The following RREB1 variants were observed in gnomAD, a reference collection of about 807,000 sequenced individuals.
RREB1 encodes the protein ras-responsive element-binding protein 1.
Under a neutral mutation model 117.8 loss-of-function variants are expected in RREB1, and 27 were observed. That is an observed-to-expected ratio of 0.23 (90% CI 0.17 to 0.32). RREB1 has a LOEUF of 0.32. RREB1 is among the 10% of genes least tolerant of loss of function. The pLI is 1.00. For missense variants in RREB1, 2,577 were observed against 2,378.2 expected, an observed-to-expected ratio of 1.08 and a Z score of -1.74; for synonymous variants, 1,298 against 1,026.7, an observed-to-expected ratio of 1.26 and a Z score of -5.05.
At chr6:7,168,254 G>GGA (rs1554120034) in intron 1 of RREB1, among the ~76,000 whole-genome samples, 1 of 72,930 alleles carries the variant, frequency 1.4e-5, no homozygotes, top group Non-Finnish European at 2.7e-5. Context: ...GACTCCGTCT[G>GGA]AAAAAAAAAA....
intron 1 of RREB1, among the ~76,000 whole-genome samples, chr6:7,165,106 T>G (rs572371767): frequency 6.0e-4 from 92 of 152,340 alleles, no homozygotes; most frequent in African/African-American, 2.2e-3. Flanking sequence ...AGGAGTGCTA[T>G]CCGTTGGACT....
rs758398767 is a variant in RREB1 at position 7,231,441 on chromosome 6, C to T, written c.3342C>T (p.Thr1114=). 1.9e-5 allele frequency: 30 copies of T among 1,612,994 alleles called. No homozygotes were observed. The highest frequency in any genetic ancestry group is 6.7e-5 in the East Asian group (3 of 44,860). Residue 1114 remains threonine, a synonymous_variant, in exon 10 of 13, where the codon ACC becomes ACT. Transcript: ENST00000379938. The part of the protein sequence containing the change: ...LGGSVPKAAT[T]ATPAATTSPK... ...GTTCTGTCCCCAAAGCCGCCACCAC[C>T]GCCACCCCCGCTGCCACCACCAGCC...
chr6:7,114,591 A>C (rs1761302691), intron 1 of RREB1, among the ~76,000 whole-genome samples: 1 of 152,120 alleles, frequency 6.6e-6, no homozygotes, highest in Non-Finnish European at 1.5e-5. Context: ...AGGTTGAGAA[A>C]GCCTGCTTGA....
intron 1 of RREB1, among the ~76,000 whole-genome samples, chr6:7,120,738 G>A (rs1230267890): frequency 3.3e-5 from 5 of 150,250 alleles, no homozygotes; most frequent in Admixed American, 2.0e-4. Context: ...CCTCGACCTC[G>A]TGGGCCCAAG....
At chr6:7,162,837 T>C (rs1486995191) in intron 1 of RREB1, among the ~76,000 whole-genome samples, 1 of 152,054 alleles carries the variant, frequency 6.6e-6, no homozygotes, top group Non-Finnish European at 1.5e-5. Context: ...TATTTTATTT[T>C]ATTTTTATTT....
intron 8 of RREB1, among the ~76,000 whole-genome samples, chr6:7,223,245 A>T (rs1272017356): frequency 2.1e-5 from 3 of 139,538 alleles, no homozygotes; most frequent in Non-Finnish European, 3.0e-5. Flanking sequence ...CGACAGAGCA[A>T]GACTCTCTTT....
At chr6:7,108,874 T>G (rs2113262794) in intron 1 of RREB1, among the ~76,000 whole-genome samples, 1 of 150,182 alleles carries the variant, frequency 6.7e-6, no homozygotes, top group East Asian at 2.0e-4. Flanking sequence ...CGGCTGGCGG[T>G]CGTGGTCACG....
In RREB1 at chr6:7,249,799, A is replaced by ATAT. The variant is rs60940908; in HGVS notation, c.*855_*857dup. 3,486 of 150,380 alleles carry ATAT rather than the reference A, an allele frequency of 0.023. 98 individuals carry two copies. The highest frequency in any genetic ancestry group is 0.064 in the African/African-American group (2,623 of 40,942). The allele number at this position is 150,380 out of a possible 1,614,324, so 9.3% of individuals were successfully genotyped here. ...TTCCCTTTCAGTATATGTATTATTA[A>ATAT]TATTATTATTATTATTATTATTATT... On this transcript the variant is annotated 3_prime_UTR_variant, in exon 13 of 13. Transcript: ENST00000379938.
In RREB1 at chr6:7,210,819, T is replaced by C. The variant is rs965000102; in HGVS notation, c.441T>C (p.His147=). 4.3e-6 allele frequency: 7 copies of C among 1,612,680 alleles called. No homozygotes were observed. The African/African-American group carries it at 8.0e-5, about 18-fold the overall frequency. ...TTCTTTTCAGACATATGAAGATCCA[T>C]GAGAAGGACCCTAACAGTGCCACAG... ...NGNMHRHMKI[H]EKDPNSATAT... The change falls in exon 7 of 13, where the codon CAT becomes CAC. Residue 147 remains histidine (H), a synonymous_variant. Transcript: ENST00000379938.
At chr6:7,243,720 C>T (rs1302812628) in intron 11 of RREB1, among the ~76,000 whole-genome samples, 2 of 152,194 alleles carry the variant, frequency 1.3e-5, no homozygotes, top group South Asian at 2.1e-4. Flanking sequence ...GTTGGCCTTT[C>T]ATTGTACTCC....
chr6:7,115,569 T>C (rs1761361360), intron 1 of RREB1, among the ~76,000 whole-genome samples: 1 of 152,172 alleles, frequency 6.6e-6, no homozygotes, highest in South Asian at 2.1e-4. Flanking sequence ...AGTGTCCCAT[T>C]GGTGTCAGTC....
At chr6:7,180,757 C>T (rs1201395383) in intron 2 of RREB1, among the ~76,000 whole-genome samples, 1 of 152,166 alleles carries the variant, frequency 6.6e-6, no homozygotes, top group African/African-American at 2.4e-5. Flanking sequence ...TGTCTTTGGT[C>T]ACTTTTAGAT....
At chr6:7,243,022 C>A (rs1268137073) in intron 11 of RREB1, among the ~76,000 whole-genome samples, 1 of 152,198 alleles carries the variant, frequency 6.6e-6, no homozygotes, top group Non-Finnish European at 1.5e-5. Flanking sequence ...TGTTTGTAGG[C>A]ACCTACATAG....
At chr6:7,243,996 G>A (rs974104407) in intron 11 of RREB1, among the ~76,000 whole-genome samples, 3 of 152,090 alleles carry the variant, frequency 2.0e-5, no homozygotes, top group Non-Finnish European at 4.4e-5. Context: ...GCGTGGTGGC[G>A]CATGCCTGTA....
At chr6:7,176,588 G>C (rs2113515487) in intron 1 of RREB1, 67 bp from the exon 2 acceptor site, 1 of 152,814 alleles carries the variant, frequency 6.5e-6, no homozygotes, top group East Asian at 1.9e-4. Flanking sequence ...GACTCCCGGT[G>C]ATGTTGAGCA....
At position 7,250,970 on chromosome 6, in the gene RREB1, T is replaced by TTAG. The variant is rs1233896644; in HGVS notation, c.*2004_*2005insGTA. ...GTTCATACATCCCTTAGGGTTTTTA[T>TTAG]TATTATTATTATTATTATTACAGTT... On this transcript the variant is annotated 3_prime_UTR_variant, in exon 13 of 13. Transcript: ENST00000379938. 6.6e-6 allele frequency: 1 copy of TTAG among 151,604 alleles called. No individual in the cohort carries two copies. The highest frequency in any genetic ancestry group is 1.5e-5 in the Non-Finnish European group (1 of 67,906). 9.4% of individuals were successfully genotyped at this position (151,604 alleles called of 1,614,324 possible).
chr6:7,142,206 A>G (rs1398440532), intron 1 of RREB1, among the ~76,000 whole-genome samples: 2 of 148,870 alleles, frequency 1.3e-5, no homozygotes, highest in Non-Finnish European at 3.0e-5. Flanking sequence ...CAAGAGTGAA[A>G]CTCCGTCTTA....
chr6:7,248,610 A>G lies in RREB1; in HGVS notation c.4871A>G (p.Lys1624Arg). Reference sequence around the variant, plus strand: ...ATCCACCAGAAAGCCAGGCATGCCAAACACCACGGGAAGGACAGCGACAAG... The same window carrying G: ...ATCCACCAGAAAGCCAGGCATGCCAGACACCACGGGAAGGACAGCGACAAG... ...QRIHQKARHA[K>R]HHGKDSDKEE... Residue 1624 changes from lysine to arginine, a missense_variant, in exon 13 of 13, where the codon AAA becomes AGA. Lys to Arg is a conservative substitution (Grantham distance 26). Coordinates refer to ENST00000379938, the MANE Select transcript of RREB1 (RefSeq NM_001003699.4). The G allele has an allele frequency of 1.9e-6, 3 of 1,614,252 alleles. No individual in the cohort carries two copies. Among genetic ancestry groups the G allele is most frequent in the Non-Finnish European group, 2.5e-6 (3 of 1,180,046 alleles).
intron 6 of RREB1, among the ~76,000 whole-genome samples, chr6:7,193,676 G>GGTCT (rs1765525563): frequency 6.6e-6 from 1 of 152,082 alleles, no homozygotes; most frequent in South Asian, 2.1e-4. Flanking sequence ...CACAGATGCA[G>GGTCT]GTCTACACAC....
Sources: gnomAD v4.1 joint callset for allele counts (sites outside exome capture counted in the v4.1 genomes callset) on GRCh38, gnomAD v4.1.1 for gene constraint, MANE v1.5 for transcripts, NCBI Gene and HGNC (gene_info 2026-07-23, HGNC 2026-07-21) for gene names.